TENM4: variants seen among roughly 807,000 people sequenced by gnomAD.
TENM4 encodes the protein teneurin-4.
Under a neutral mutation model 243.3 loss-of-function variants are expected in TENM4, and 82 were observed. That is an observed-to-expected ratio of 0.34 (90% confidence interval 0.28 to 0.40). The LOEUF (loss-of-function observed/expected upper bound fraction) is 0.40. TENM4 is among the 10% of genes least tolerant of loss of function. TENM4 has a pLI of 1.00. For synonymous variants in TENM4, 1,412 were observed against 1,456.3 expected, an observed-to-expected ratio of 0.97 and a Z score of 0.69; for missense variants, 3,138 against 3,673.3, an observed-to-expected ratio of 0.85 and a Z score of 3.77.
chr11:78,699,242 C>G (rs1331592658), intron 28 of TENM4, among the ~76,000 whole-genome samples: 1 of 152,214 alleles, frequency 6.6e-6, no homozygotes, highest in Admixed American at 6.5e-5. Flanking sequence ...GAACCTCATA[C>G]TATTCCTATG....
chr11:79,216,811 A>C lies in TENM4; in HGVS notation c.-264-902T>G, dbSNP rs115562328. On this transcript the variant is annotated intron_variant, in intron 2 of 33. Coordinates refer to ENST00000278550, the MANE Select transcript of TENM4 (RefSeq NM_001098816.3). ...AGCTAAATAAATTTCTTTTCTTTAT[A>C]AACTACCCAGTCTGAGGCATTCTGT... Among the ~76,000 whole-genome samples, 974 of 152,310 alleles carry C rather than the reference A, an allele frequency of 6.4e-3. 11 individuals are homozygous for C. Among genetic ancestry groups the C allele is most frequent in the African/African-American group, 0.022 (894 of 41,570 alleles).
chr11:79,171,473 G>T (rs1863038027), intron 3 of TENM4, among the ~76,000 whole-genome samples: 1 of 152,190 alleles, frequency 6.6e-6, no homozygotes, highest in South Asian at 2.1e-4. Flanking sequence ...AGTGGTTAGT[G>T]CCTAAACAAA....
chr11:79,175,247 A>G (rs1259900518), intron 3 of TENM4, among the ~76,000 whole-genome samples: 4 of 152,216 alleles, frequency 2.6e-5, no homozygotes, highest in Non-Finnish European at 5.9e-5. Flanking sequence ...TAATTCTAAA[A>G]AATATCCCAA....
chr11:79,231,347 A>G (rs1314961407), intron 2 of TENM4, among the ~76,000 whole-genome samples: 1 of 152,184 alleles, frequency 6.6e-6, no homozygotes, highest in African/African-American at 2.4e-5. Context: ...AATACAAATT[A>G]GAGCAAAAAT....
chr11:79,061,295 C>G (rs1421542919), intron 6 of TENM4, among the ~76,000 whole-genome samples: 1 of 152,114 alleles, frequency 6.6e-6, no homozygotes, highest in Non-Finnish European at 1.5e-5. Flanking sequence ...AAGTAGACAG[C>G]CTTTGGGCAC....
At chr11:78,727,426 C>A (rs1276651962) in intron 22 of TENM4, among the ~76,000 whole-genome samples, 3 of 145,314 alleles carry the variant, frequency 2.1e-5, no homozygotes, top group African/African-American at 8.1e-5. Flanking sequence ...CAGAGCGAGA[C>A]TCCGCCTCAA....
intron 1 of TENM4, among the ~76,000 whole-genome samples, chr11:79,322,317 A>G (rs1239676427): frequency 2.6e-5 from 4 of 152,204 alleles, no homozygotes; most frequent in East Asian, 3.8e-4. Context: ...AAAGAGCCCT[A>G]TGCCCGGCTT....
chr11:79,156,335 A>G lies in TENM4; in HGVS notation c.-162-7529T>C, dbSNP rs114224061. On this transcript the variant is annotated intron_variant, in intron 3 of 33. Coordinates refer to ENST00000278550, the MANE Select transcript of TENM4 (RefSeq NM_001098816.3). Reference sequence around the variant, plus strand: ...AGTGATGTGCGAGGTGCTTGTCAGCATGGATAGATTGATTCCTCTCTGGTC... The same window carrying G: ...AGTGATGTGCGAGGTGCTTGTCAGCGTGGATAGATTGATTCCTCTCTGGTC... Among the ~76,000 whole-genome samples, 853 of 152,352 alleles carry G rather than the reference A, an allele frequency of 5.6e-3. 12 individuals carry two copies. Among genetic ancestry groups the G allele is most frequent in the African/African-American group, 0.019 (805 of 41,582 alleles).
intron 1 of TENM4, among the ~76,000 whole-genome samples, 158 bp from the exon 2 acceptor site, chr11:79,297,701 A>C (rs1207328320): frequency 2.6e-5 from 4 of 152,206 alleles, no homozygotes; most frequent in Non-Finnish European, 5.9e-5. Flanking sequence ...TAAAAAATGA[A>C]GTGCAATAAT....
At chr11:78,756,484 A>G in intron 19 of TENM4, 1 of 314,362 alleles carries the variant, frequency 3.2e-6, no homozygotes, top group Non-Finnish European at 6.0e-6. Flanking sequence ...TCATCTGGAG[A>G]CCACAGGATC....
intron 6 of TENM4, among the ~76,000 whole-genome samples, chr11:79,032,269 G>C (rs59454302): frequency 6.6e-6 from 1 of 152,084 alleles, no homozygotes; most frequent in Non-Finnish European, 1.5e-5. Context: ...ACCCTGAGGC[G>C]GGGGGCACCA....
At chr11:79,368,574 A>C (rs563814809) in intron 1 of TENM4, among the ~76,000 whole-genome samples, 14 of 152,308 alleles carry the variant, frequency 9.2e-5, no homozygotes, top group African/African-American at 3.4e-4. Flanking sequence ...CTAGTGGTTA[A>C]AAGCACAGGT....
intron 6 of TENM4, among the ~76,000 whole-genome samples, chr11:78,956,882 C>A (rs1467659467): frequency 6.6e-6 from 1 of 152,172 alleles, no homozygotes; most frequent in East Asian, 1.9e-4. Context: ...AGGAGAAATA[C>A]AAAATATGCA....
At chr11:78,883,736 T>C (rs1855487310) in intron 9 of TENM4, among the ~76,000 whole-genome samples, 1 of 152,246 alleles carries the variant, frequency 6.6e-6, no homozygotes, top group African/African-American at 2.4e-5. Context: ...CAGTTTTATC[T>C]GCACAGAAGC....
At chr11:78,937,374 G>C (rs894862111) in intron 6 of TENM4, among the ~76,000 whole-genome samples, 1 of 152,140 alleles carries the variant, frequency 6.6e-6, no homozygotes, top group Non-Finnish European at 1.5e-5. Context: ...TTCCTGAGAA[G>C]GTTCCATGTT....
chr11:79,160,171 A>G (rs1862711146), intron 3 of TENM4, among the ~76,000 whole-genome samples: 1 of 152,100 alleles, frequency 6.6e-6, no homozygotes, highest in Non-Finnish European at 1.5e-5. Context: ...GGCTGGGGCC[A>G]TTAGTCCTCC....
At chr11:79,411,628 C>A (rs905066945) in intron 1 of TENM4, among the ~76,000 whole-genome samples, 1 of 152,140 alleles carries the variant, frequency 6.6e-6, no homozygotes, top group Non-Finnish European at 1.5e-5. Context: ...TCCCTCCAGT[C>A]TTTCTTTCCA....
chr11:79,219,769 TGTGGAGC>T (rs1201136291), intron 2 of TENM4, among the ~76,000 whole-genome samples: 1 of 152,214 alleles, frequency 6.6e-6, no homozygotes, highest in African/African-American at 2.4e-5. Flanking sequence ...TCCACCGGTA[TGTGGAGC>T]TTGATCATTT....
At chr11:78,809,351 T>A (rs1291899261) in intron 14 of TENM4, among the ~76,000 whole-genome samples, 1 of 152,160 alleles carries the variant, frequency 6.6e-6, no homozygotes, top group African/African-American at 2.4e-5. Context: ...GAAGACTGCA[T>A]CTCAGGAGGG....
Sources: gnomAD v4.1 joint callset for allele counts (sites outside exome capture counted in the v4.1 genomes callset) on GRCh38, gnomAD v4.1.1 for gene constraint, MANE v1.5 for transcripts, NCBI Gene and HGNC (gene_info 2026-07-23, HGNC 2026-07-21) for gene names.